The following RBBP8 variants were observed in gnomAD, a reference collection of about 807,000 sequenced individuals.
The protein encoded by RBBP8 is DNA endonuclease RBBP8.
RBBP8 carries 88 observed loss-of-function variants against 108.3 expected under a neutral mutation model. The ratio of observed to expected loss-of-function variants is 0.81; its 90% CI spans 0.68 to 0.97. The LOEUF (loss-of-function observed/expected upper bound fraction) is 0.97, where lower values mean the gene tolerates loss of function less well. Among genes scored for constraint, RBBP8 ranks in the 50% least tolerant of loss-of-function variants. RBBP8 has a pLI of 0.00. For synonymous variants in RBBP8, 332 were observed against 348.2 expected (o/e 0.95, Z 0.52); for missense variants, 1,023 against 1,049.0 (o/e 0.98, Z 0.34).
chr18:22,917,837 A>G (rs1253265546), intron 3 of RBBP8, among the ~76,000 whole-genome samples: 1 of 151,936 alleles, frequency 6.6e-6, no homozygotes, highest in Admixed American at 6.6e-5. Flanking sequence ...CGTCTCTACT[A>G]AAAATACAAA....
chr18:23,020,836 A>G (rs532120270), intron 17 of RBBP8, among the ~76,000 whole-genome samples: 130 of 152,284 alleles, frequency 8.5e-4, no homozygotes, highest in African/African-American at 3.0e-3. Flanking sequence ...GTTTTTTCCA[A>G]TAAGCCCTGA....
chr18:23,018,207 G>A (rs112946249), intron 17 of RBBP8, among the ~76,000 whole-genome samples: 2,319 of 151,578 alleles, frequency 0.015, 61 homozygotes, highest in African/African-American at 0.052. Flanking sequence ...ACAGGCATGC[G>A]CCACCATGCC....
chr18:22,997,092 G>A (rs2045872682), intron 13 of RBBP8, among the ~76,000 whole-genome samples: 1 of 152,048 alleles, frequency 6.6e-6, no homozygotes, highest in Non-Finnish European at 1.5e-5. Context: ...TTAAAATAAT[G>A]TACCATAAAA....
chr18:23,025,182 G>A lies in RBBP8; in HGVS notation c.2597-961G>A, dbSNP rs111426231. ...AGATGGGAGGATTGCTTGAGCCCTG[G>A]AGGTGGAGGCTGCAGTGAGCCGTTA... is the stretch of plus-strand genomic sequence containing the variant. On this transcript the variant is annotated intron_variant, in intron 18 of 18. Coordinates refer to ENST00000327155, the MANE Select transcript of RBBP8 (RefSeq NM_002894.3). Among the ~76,000 whole-genome samples, 713 of 152,156 alleles carry A rather than the reference G, an allele frequency of 4.7e-3. 2 individuals are homozygous for A. Among genetic ancestry groups the A allele is most frequent in the Middle Eastern group, 0.024 (7 of 294 alleles).
chr18:22,970,743 A>G (rs1162601111), intron 5 of RBBP8, among the ~76,000 whole-genome samples: 2 of 152,146 alleles, frequency 1.3e-5, no homozygotes, highest in Non-Finnish European at 2.9e-5. Context: ...CTTTTAATTT[A>G]GTGAATAACT....
intron 3 of RBBP8, among the ~76,000 whole-genome samples, chr18:22,918,126 G>C (rs1283363538): frequency 6.6e-6 from 1 of 151,916 alleles, no homozygotes; most frequent in Non-Finnish European, 1.5e-5. Flanking sequence ...AAAGTATTTT[G>C]AGAGTGGTAC....
At position 22,982,273 on chromosome 18, in the gene RBBP8, G is replaced by C; in HGVS notation, c.484G>C (p.Asp162His). 2 of 1,614,130 alleles carry C rather than the reference G, an allele frequency of 1.2e-6. No homozygotes were observed. The highest frequency in any genetic ancestry group is 1.1e-5 in the South Asian group (1 of 91,070). Residue 162 changes from aspartate (D) to histidine (H), a missense_variant, in exon 7 of 19, where the codon GAT becomes CAT. Asp to His is a moderately conservative substitution (Grantham distance 81). Transcript: ENST00000327155. ...TGAATGTGAGGAAGACGTTATTCCAGATTCACCGATAACAGCCTTCTCATT... is the reference window on the plus strand; with the variant it reads ...TGAATGTGAGGAAGACGTTATTCCACATTCACCGATAACAGCCTTCTCATT... Reference protein sequence around the residue: ...ELECEEDVIPDSPITAFSFSG... With the variant: ...ELECEEDVIPHSPITAFSFSG...
In RBBP8 at chr18:22,944,415, G is replaced by A. The variant is rs185509302; in HGVS notation, c.110-2029G>A. On this transcript the variant is annotated intron_variant, in intron 2 of 18. Coordinates refer to ENST00000327155, the MANE Select transcript of RBBP8 (RefSeq NM_002894.3). ...TTGGCTGCACTTTTCACTTTTAAAG[G>A]CAGAACTGATTGTTAGAAGTCAGCC... Among the ~76,000 whole-genome samples, 7 of 152,144 alleles carry A rather than the reference G, an allele frequency of 4.6e-5. No individual in the cohort carries two copies. In the East Asian group the frequency reaches 1.4e-3, roughly 29 times the overall value.
upstream of RBBP8, chr18:22,933,327 C>A (rs1304569386): frequency 6.6e-6 from 1 of 152,444 alleles, no homozygotes; most frequent in Non-Finnish European, 1.5e-5. Flanking sequence ...GTGGAACTCC[C>A]GCGTGACGTC....
chr18:22,975,544 T>C (rs1914439557), intron 6 of RBBP8, among the ~76,000 whole-genome samples: 1 of 152,124 alleles, frequency 6.6e-6, no homozygotes, highest in South Asian at 2.1e-4. Flanking sequence ...TCCCAGAAGC[T>C]TCATAAGGGC....
intron 14 of RBBP8, among the ~76,000 whole-genome samples, chr18:22,999,381 C>T (rs1370276191): frequency 6.6e-6 from 1 of 152,206 alleles, no homozygotes; most frequent in African/African-American, 2.4e-5. Flanking sequence ...GAATTGGCAT[C>T]TCCTCATTTA....
intron 3 of RBBP8, among the ~76,000 whole-genome samples, chr18:22,927,218 G>A (rs1052640566): frequency 3.3e-5 from 5 of 152,184 alleles, no homozygotes; most frequent in South Asian, 2.1e-4. Flanking sequence ...CCAGTATTGT[G>A]TGTTCATGTC....
intron 15 of RBBP8, 79 bp from the exon 16 acceptor site, chr18:23,006,281 GCGT>G (rs759835203): frequency 8.2e-7 from 1 of 1,215,500 alleles, no homozygotes; most frequent in Non-Finnish European, 1.2e-6. Context: ...AAGTTTGAGT[GCGT>G]GTCATTTTCT....
At chr18:22,952,488 A>G (rs1912124951) in intron 4 of RBBP8, among the ~76,000 whole-genome samples, 1 of 152,216 alleles carries the variant, frequency 6.6e-6, no homozygotes, top group South Asian at 2.1e-4. Flanking sequence ...CCTTCTTTGC[A>G]GGGCTATTTT....
chr18:22,952,709 T>A (rs1912145807), intron 4 of RBBP8, among the ~76,000 whole-genome samples: 1 of 152,126 alleles, frequency 6.6e-6, no homozygotes, highest in South Asian at 2.1e-4. Context: ...GGAAAGGAAA[T>A]CATTAGTTAC....
intron 1 of RBBP8, among the ~76,000 whole-genome samples, chr18:22,935,212 C>T (rs532622800): frequency 4.6e-5 from 7 of 150,876 alleles, no homozygotes; most frequent in East Asian, 3.9e-4. Context: ...CCATTGTATA[C>T]GCACCCACCC....
In RBBP8 at chr18:22,921,215, A is replaced by G. The variant is rs185944200; in HGVS notation, c.-154+4189A>G. ...AAGGGATTAGTGAAAGGAAGGAAGG[A>G]AGGCCAATACAAAAGTTCATCCTTG... On this transcript the variant is annotated intron_variant, in intron 3 of 4. Transcript: ENST00000577588. Among the ~76,000 whole-genome samples the G allele has an allele frequency of 5.3e-5, 8 of 152,286 alleles. No individual in the cohort carries two copies. The East Asian group carries it at 1.5e-3, about 29-fold the overall frequency.
chr18:23,000,156 G>A (rs1171192440), intron 14 of RBBP8, among the ~76,000 whole-genome samples: 1 of 152,190 alleles, frequency 6.6e-6, no homozygotes, highest in Non-Finnish European at 1.5e-5. Flanking sequence ...GGTAAGTCCA[G>A]GAGAAAGGTA....
At chr18:22,936,635 T>G in intron 1 of RBBP8, 119 bp from the exon 2 acceptor site, 1 of 533,018 alleles carries the variant, frequency 1.9e-6, no homozygotes, top group Non-Finnish European at 3.3e-6. Context: ...CTAAAAATGA[T>G]TGATTATAGG....
Sources: allele counts gnomAD v4.1 joint callset (sites outside exome capture counted in the v4.1 genomes callset), GRCh38; gene constraint gnomAD v4.1.1; transcripts MANE v1.5; gene names NCBI Gene and HGNC (gene_info 2026-07-23, HGNC 2026-07-21).